Variants in CTXN2 observed in about 807,000 individuals in gnomAD.
The protein encoded by CTXN2 is cortexin 2.
In CTXN2, 3 loss-of-function variants were observed where a neutral mutation model predicts 5.7. The ratio of observed to expected loss-of-function variants is 0.53; its 90% CI spans 0.24 to 1.36. CTXN2 has a LOEUF of 1.36. Among genes scored for constraint, CTXN2 ranks in the 40% most tolerant of loss-of-function variants. The pLI, the probability that CTXN2 is intolerant of heterozygous loss-of-function variation, is 0.17. For synonymous variants in CTXN2, 38 were observed against 36.4 expected, an observed-to-expected ratio of 1.04 and a Z score of -0.16; for missense variants, 87 against 93.0, an observed-to-expected ratio of 0.94 and a Z score of 0.26.
chr15:48,194,969 G>A (rs563411346), intron 1 of CTXN2, among the ~76,000 whole-genome samples: 5 of 152,060 alleles, frequency 3.3e-5, no homozygotes, highest in Admixed American at 2.6e-4. Flanking sequence ...CTACACAAAC[G>A]TTATTTGACA....
upstream of CTXN2, among the ~76,000 whole-genome samples, chr15:48,186,909 CAAAAAAAAAAAA>C (rs751653728): frequency 4.5e-5 from 2 of 44,570 alleles, no homozygotes; most frequent in East Asian, 1.4e-3. Flanking sequence ...GACTCCATCT[CAAAAAAAAAAAA>C]AAAAAAAAAA....
chr15:48,178,455 G>C (rs1029450262), intron 1 of CTXN2: 3 of 494,444 alleles, frequency 6.1e-6, no homozygotes, highest in Non-Finnish European at 1.0e-5. Flanking sequence ...CATGGGAGCT[G>C]GGGTCAGGGC....
intron 1 of CTXN2, among the ~76,000 whole-genome samples, chr15:48,194,411 T>C (rs1218745058): frequency 1.3e-5 from 2 of 152,116 alleles, no homozygotes; most frequent in East Asian, 3.9e-4. Flanking sequence ...CATTTTCTCA[T>C]TACCCCTCAC....
chr15:48,186,909 C>CA (rs751653728), upstream of CTXN2, among the ~76,000 whole-genome samples: 787 of 43,916 alleles, frequency 0.018, 11 homozygotes, highest in South Asian at 0.06. Flanking sequence ...GACTCCATCT[C>CA]AAAAAAAAAA....
chr15:48,180,806 G>A (rs752181805), intron 1 of CTXN2, among the ~76,000 whole-genome samples: 10 of 152,192 alleles, frequency 6.6e-5, no homozygotes, highest in Admixed American at 5.9e-4. Context: ...CAGAGCGCCC[G>A]GCCTTGGTTT....
Position 48,201,670 on chromosome 15 carries a change from C to G in CTXN2, c.*124C>G. 1.1e-6 allele frequency: 1 copy of G among 896,064 alleles called. No individual in the cohort carries two copies. Among genetic ancestry groups the G allele is most frequent in the East Asian group, 2.6e-5 (1 of 37,760 alleles). The allele number at this position is 896,064 out of a possible 1,614,324, so 55.5% of individuals were successfully genotyped here. ...CAGTGAATTCAATAAACATCTGTGACTAATTTCTTCACCATGCTGTGTAAA... is the reference window on the plus strand; with the variant it reads ...CAGTGAATTCAATAAACATCTGTGAGTAATTTCTTCACCATGCTGTGTAAA... On this transcript the variant is annotated 3_prime_UTR_variant, in exon 2 of 2. Coordinates refer to ENST00000417307, the MANE Select transcript of CTXN2 (RefSeq NM_001145668.2).
chr15:48,194,138 AGT>A (rs1362441429), intron 1 of CTXN2, among the ~76,000 whole-genome samples: 2 of 152,080 alleles, frequency 1.3e-5, no homozygotes, highest in African/African-American at 4.8e-5. Context: ...TTTAGTATAA[AGT>A]ATATTTTATG....
intron 1 of CTXN2, among the ~76,000 whole-genome samples, chr15:48,192,926 A>C (rs1010312041): frequency 1.3e-5 from 2 of 152,166 alleles, no homozygotes; most frequent in African/African-American, 2.4e-5. Context: ...ATATTTTTAT[A>C]TCTCTAGTAA....
chr15:48,178,722 C>T (rs2040652617), intron 1 of CTXN2: 1 of 154,098 alleles, frequency 6.5e-6, no homozygotes. Context: ...CTTTAGAAAT[C>T]CTTTGAATTA....
chr15:48,178,528 G>T, intron 1 of CTXN2: 2 of 348,380 alleles, frequency 5.7e-6, no homozygotes, highest in South Asian at 1.9e-4. Flanking sequence ...GAAAGCCCCC[G>T]GTGGTGGTGC....
At chr15:48,201,025 G>T (rs1302543788) in intron 1 of CTXN2, among the ~76,000 whole-genome samples, 3 of 152,196 alleles carry the variant, frequency 2.0e-5, no homozygotes, top group Non-Finnish European at 4.4e-5. Flanking sequence ...AGAGTATGTG[G>T]GCACAGTCTT....
rs2140992745 is a variant in CTXN2 at position 48,202,374 on chromosome 15, T to C, written c.*828T>C. 6.0e-6 allele frequency: 1 copy of C among 167,194 alleles called. No homozygotes were observed. Among genetic ancestry groups the C allele is most frequent in the South Asian group, 2.1e-4 (1 of 4,830 alleles). The allele number at this position is 167,194 out of a possible 1,614,324, so 10.4% of individuals were successfully genotyped here. A position where few individuals can be genotyped will look rare whatever the true frequency, so the allele number is the denominator to read the frequency against. ...CAGTGAAGAGTAGTGTTAACATCCT[T>C]TTCAATTCTAGTGCCCTATGAATGC... On this transcript the variant is annotated 3_prime_UTR_variant, in exon 2 of 2. Coordinates refer to ENST00000417307, the MANE Select transcript of CTXN2 (RefSeq NM_001145668.2).
upstream of CTXN2, among the ~76,000 whole-genome samples, chr15:48,187,727 A>G (rs1178767084): frequency 6.6e-6 from 1 of 152,208 alleles, no homozygotes; most frequent in Non-Finnish European, 1.5e-5. Context: ...TCTAGAATAT[A>G]TTCATTACAG....
chr15:48,182,227 C>A (rs2040706724), intron 1 of CTXN2, among the ~76,000 whole-genome samples: 1 of 152,074 alleles, frequency 6.6e-6, no homozygotes, highest in African/African-American at 2.4e-5. Flanking sequence ...AAAATACATC[C>A]TATACAAAGG....
chr15:48,197,343 T>C (rs540234361), intron 1 of CTXN2, among the ~76,000 whole-genome samples: 1 of 152,214 alleles, frequency 6.6e-6, no homozygotes, highest in East Asian at 1.9e-4. Context: ...GTGCTGCTTA[T>C]CCACCATCAT....
Position 48,201,173 on chromosome 15 carries a change from A to T in CTXN2, c.-57-71A>T, listed in dbSNP as rs2040925279. 4 of 938,872 alleles carry T rather than the reference A, an allele frequency of 4.3e-6. No homozygotes were observed. In the East Asian group the frequency reaches 1.1e-4, roughly 25 times the overall value. The allele number at this position is 938,872 out of a possible 1,614,324, so 58.2% of individuals were successfully genotyped here. ...GTCAAGAAGGTTTGAAAAACGTCAG[A>T]TTTTATTAAGCAACAACCTACCCAA... On this transcript the variant is annotated intron_variant, in intron 1 of 1. Transcript: ENST00000417307.
In CTXN2 at chr15:48,183,911, A is replaced by G. The variant is rs115052524; in HGVS notation, c.-455+5511A>G. On this transcript the variant is annotated intron_variant, in intron 1 of 2. Transcript: ENST00000644354. Reference sequence around the variant, plus strand: ...ATCAGCACTCTGAATATTTCTGGAAACTAGTATCAACAACATTTCTGAAAA... The same window carrying G: ...ATCAGCACTCTGAATATTTCTGGAAGCTAGTATCAACAACATTTCTGAAAA... Among the ~76,000 whole-genome samples, 1,383 of 152,332 alleles carry G rather than the reference A, an allele frequency of 9.1e-3. 25 individuals are homozygous for G. Among genetic ancestry groups the G allele is most frequent in the African/African-American group, 0.032 (1,334 of 41,568 alleles).
Position 48,201,299 on chromosome 15 carries a change from T to A in CTXN2, c.-2T>A. On this transcript the variant is annotated 5_prime_UTR_variant, in exon 2 of 2. Coordinates refer to ENST00000417307, the MANE Select transcript of CTXN2 (RefSeq NM_001145668.2). ...AGAGCCACAACAATGTGCCAGTGAA[T>A]AATGAGTAGTACCTACTGTGGCAAC... 1 of 1,551,022 alleles carries A rather than the reference T, an allele frequency of 6.4e-7. No individual in the cohort carries two copies. The highest frequency in any genetic ancestry group is 8.7e-7 in the Non-Finnish European group (1 of 1,146,490).
chr15:48,191,738 A>G lies in CTXN2; in HGVS notation c.-173A>G. 2.2e-6 allele frequency: 1 copy of G among 456,044 alleles called. No individual in the cohort carries two copies. Among genetic ancestry groups the G allele is most frequent in the Non-Finnish European group, 4.4e-6 (1 of 226,792 alleles). 28.2% of individuals were successfully genotyped at this position (456,044 alleles called of 1,614,324 possible). A position where few individuals can be genotyped will look rare whatever the true frequency, so the allele number is the denominator to read the frequency against. ...TAACCAGGGCCCTGTGACTCTACGCAGGTTCCAGAACACGCCTTCTACATT... is the reference window on the plus strand; with the variant it reads ...TAACCAGGGCCCTGTGACTCTACGCGGGTTCCAGAACACGCCTTCTACATT... On this transcript the variant is annotated 5_prime_UTR_variant, in exon 1 of 2. Coordinates refer to ENST00000417307, the MANE Select transcript of CTXN2 (RefSeq NM_001145668.2).
Sources: allele counts gnomAD v4.1 joint callset (sites outside exome capture counted in the v4.1 genomes callset), GRCh38; gene constraint gnomAD v4.1.1; transcripts MANE v1.5; gene names NCBI Gene and HGNC (gene_info 2026-07-23, HGNC 2026-07-21).